The following SORCS1 variants were observed in gnomAD, a reference collection of about 807,000 sequenced individuals.
SORCS1 encodes VPS10 domain-containing receptor SorCS1.
SORCS1 carries 60 observed loss-of-function variants against 146.1 expected under a neutral mutation model. That is an observed-to-expected ratio of 0.41 (90% CI 0.33 to 0.51). SORCS1 has a LOEUF of 0.51. Among genes scored for constraint, SORCS1 ranks in the 20% least tolerant of loss-of-function variants. SORCS1 has a pLI of 0.21. For synonymous variants in SORCS1, 637 were observed against 584.0 expected, an observed-to-expected ratio of 1.09 and a Z score of -1.31; for missense variants, 1,352 against 1,487.6, an observed-to-expected ratio of 0.91 and a Z score of 1.50.
intron 3 of SORCS1, among the ~76,000 whole-genome samples, chr10:106,802,111 G>A (rs1946933532): frequency 6.6e-6 from 1 of 152,178 alleles, no homozygotes; most frequent in South Asian, 2.1e-4. Flanking sequence ...CCAAGTACAT[G>A]TCATATCTTC....
intron 2 of SORCS1, among the ~76,000 whole-genome samples, chr10:106,912,973 C>T (rs183998226): frequency 6.6e-6 from 1 of 152,286 alleles, no homozygotes; most frequent in East Asian, 1.9e-4. Flanking sequence ...AGCCACTGCG[C>T]CCGGCCAGGC....
chr10:106,603,713 C>T (rs1047961244), intron 23 of SORCS1, among the ~76,000 whole-genome samples: 16 of 152,232 alleles, frequency 1.1e-4, no homozygotes, highest in African/African-American at 3.4e-4. Context: ...AGAGTACAGC[C>T]TTCAAAGGAG....
intron 2 of SORCS1, among the ~76,000 whole-genome samples, chr10:106,956,281 G>A (rs1305204640): frequency 6.6e-6 from 1 of 152,190 alleles, no homozygotes; most frequent in Non-Finnish European, 1.5e-5. Flanking sequence ...CTATCATACA[G>A]GTTAGCAAAA....
At chr10:106,700,495 C>T (rs920878985) in intron 8 of SORCS1, among the ~76,000 whole-genome samples, 2 of 152,156 alleles carry the variant, frequency 1.3e-5, no homozygotes, top group Non-Finnish European at 2.9e-5. Context: ...AGAAGAACAA[C>T]GTAGAACAAT....
chr10:107,079,343 C>T (rs1003043578), intron 1 of SORCS1, among the ~76,000 whole-genome samples: 31 of 152,110 alleles, frequency 2.0e-4, no homozygotes, highest in African/African-American at 7.0e-4. Context: ...TGTGCCAATA[C>T]AGACCCTTTC....
chr10:106,767,236 A>G (rs755330750), intron 4 of SORCS1, among the ~76,000 whole-genome samples: 1 of 152,082 alleles, frequency 6.6e-6, no homozygotes, highest in Non-Finnish European at 1.5e-5. Context: ...AATCTCTCCT[A>G]CAGCTGGATT....
chr10:107,032,122 T>C (rs997513025), intron 1 of SORCS1, among the ~76,000 whole-genome samples: 3 of 152,196 alleles, frequency 2.0e-5, no homozygotes, highest in African/African-American at 2.4e-5. Context: ...CTCTGAAGGA[T>C]TGCAGTTTGA....
chr10:106,895,993 C>T (rs1220546285), intron 2 of SORCS1, among the ~76,000 whole-genome samples: 3 of 151,520 alleles, frequency 2.0e-5, no homozygotes, highest in Non-Finnish European at 4.4e-5. Context: ...TTTAGCCTTA[C>T]AAAGGAAGAA....
intron 17 of SORCS1, among the ~76,000 whole-genome samples, chr10:106,663,593 C>T (rs1301510817): frequency 6.6e-6 from 1 of 152,196 alleles, no homozygotes; most frequent in Admixed American, 6.6e-5. Flanking sequence ...ACTGAATCAA[C>T]ACATAGCCAA....
chr10:106,841,861 G>A (rs1013707593), intron 2 of SORCS1, among the ~76,000 whole-genome samples: 2 of 152,008 alleles, frequency 1.3e-5, no homozygotes, highest in Non-Finnish European at 2.9e-5. Context: ...TCCAAGTTTC[G>A]ACAATTATAA....
rs192591168 is a variant in SORCS1, at chr10:106,668,312, C to G, written c.2190-510G>C. On this transcript the variant is annotated intron_variant, in intron 16 of 25. Coordinates refer to ENST00000263054, the MANE Select transcript of SORCS1 (RefSeq NM_052918.5). ...GTACACTCCATATGCTTCAAAGTTA[C>G]AGCCAAAAAGGAAATGTCCTTCAGG... Among the ~76,000 whole-genome samples, 132 of 152,334 alleles carry G rather than the reference C, an allele frequency of 8.7e-4. 1 individual carries two copies. Among genetic ancestry groups the G allele is most frequent in the African/African-American group, 3.1e-3 (127 of 41,586 alleles).
rs182037941 is a variant in SORCS1, at chr10:106,609,017, A to G, written c.3034-1720T>C. Among the ~76,000 whole-genome samples the G allele has an allele frequency of 1.4e-4, 22 of 152,304 alleles. No individual in the cohort carries two copies. The East Asian group carries it at 3.9e-3, about 27-fold the overall frequency. On this transcript the variant is annotated intron_variant, in intron 22 of 25. Transcript: ENST00000263054. ...GCCCATAGCCCTCCCAGAAAAGACA[A>G]TAAGTGTCTCCCTGAACAGAGATCT...
intron 3 of SORCS1, among the ~76,000 whole-genome samples, chr10:106,797,753 T>C (rs911395836): frequency 3.3e-5 from 5 of 152,202 alleles, no homozygotes; most frequent in African/African-American, 1.2e-4. Flanking sequence ...TGCAGCCAGA[T>C]GCTCCCAGAT....
At chr10:107,035,701 T>C (rs550064753) in intron 1 of SORCS1, among the ~76,000 whole-genome samples, 1 of 152,272 alleles carries the variant, frequency 6.6e-6, no homozygotes, top group African/African-American at 2.4e-5. Context: ...GTATCTCACT[T>C]AAAAGCTATT....
chr10:107,137,597 C>T (rs1324657368), intron 1 of SORCS1, among the ~76,000 whole-genome samples: 1 of 152,182 alleles, frequency 6.6e-6, no homozygotes, highest in African/African-American at 2.4e-5. Flanking sequence ...GGTGTGGTGG[C>T]TCCGCCTGTA....
intron 6 of SORCS1, among the ~76,000 whole-genome samples, chr10:106,725,497 G>C (rs1240957573): frequency 6.6e-6 from 1 of 151,760 alleles, no homozygotes. Context: ...GTTGCAGTGA[G>C]CTGAGATCGC....
At chr10:106,879,256 A>T (rs1282951272) in intron 2 of SORCS1, among the ~76,000 whole-genome samples, 1 of 152,148 alleles carries the variant, frequency 6.6e-6, no homozygotes, top group African/African-American at 2.4e-5. Context: ...GAACTTGCCA[A>T]CCCTACTCAC....
chr10:106,769,209 G>A (rs1859801785), intron 4 of SORCS1, among the ~76,000 whole-genome samples: 1 of 152,192 alleles, frequency 6.6e-6, no homozygotes, highest in Non-Finnish European at 1.5e-5. Flanking sequence ...CAATTGGCTG[G>A]GAGCGGTGGC....
chr10:106,836,178 A>G (rs1948772746), intron 2 of SORCS1, among the ~76,000 whole-genome samples: 1 of 152,096 alleles, frequency 6.6e-6, no homozygotes, highest in Non-Finnish European at 1.5e-5. Flanking sequence ...TTAAGACTAC[A>G]GAACTTGGGA....
Sources: allele counts gnomAD v4.1 joint callset (sites outside exome capture counted in the v4.1 genomes callset), GRCh38; gene constraint gnomAD v4.1.1; transcripts MANE v1.5; gene names NCBI Gene and HGNC (gene_info 2026-07-23, HGNC 2026-07-21).